LRCH4: variants seen among roughly 807,000 people sequenced by gnomAD.
LRCH4 encodes the protein leucine-rich repeat and calponin homology domain-containing protein 4.
A neutral mutation model predicts 81.2 loss-of-function variants in LRCH4; 56 were observed. The observed-to-expected ratio is 0.69, with a 90% CI of 0.56 to 0.86. The LOEUF (loss-of-function observed/expected upper bound fraction) is 0.86, where lower values mean the gene tolerates loss of function less well. LRCH4 is among the 40% of genes least tolerant of loss of function. The pLI, the probability that LRCH4 is intolerant of heterozygous loss-of-function variation, is 0.00. For missense variants in LRCH4, 895 were observed against 922.8 expected, an observed-to-expected ratio of 0.97 and a Z score of 0.39; for synonymous variants, 442 against 409.7, an observed-to-expected ratio of 1.08 and a Z score of -0.95.
At position 100,578,897 on chromosome 7, in the gene LRCH4, C is replaced by CACCCAGGGGAGAGGCTG; in HGVS notation, c.599-112_599-111insCAGCCTCTCCCCTGGGT. 1 of 1,211,656 alleles carries CACCCAGGGGAGAGGCTG rather than the reference C, an allele frequency of 8.3e-7. No individual in the cohort carries two copies. The highest frequency in any genetic ancestry group is 1.2e-6 in the Non-Finnish European group (1 of 861,880). The allele number at this position is 1,211,656 out of a possible 1,614,324, so 75.1% of individuals were successfully genotyped here. On this transcript the variant is annotated intron_variant, in intron 4 of 17. Transcript: ENST00000310300. The surrounding 1 kb of genome is among the most constrained non-coding windows in gnomAD (Gnocchi z 5.7). Reference sequence around the variant, plus strand: ...CCAGTCACCCTGGGCCCAGCACAGCCTCTCCCCTGGGTGGCTCAAGTCATT... The same window carrying CACCCAGGGGAGAGGCTG: ...CCAGTCACCCTGGGCCCAGCACAGCCACCCAGGGGAGAGGCTGTCTCCCCTGGGTGGCTCAAGTCATT...
In LRCH4 at chr7:100,577,261, C is replaced by T; in HGVS notation, c.1295+12G>A. The T allele has an allele frequency of 6.2e-7, 1 of 1,603,002 alleles. No individual in the cohort carries two copies. The highest frequency in any genetic ancestry group is 8.5e-7 in the Non-Finnish European group (1 of 1,178,988). ...GTGTCCAGCAACAGCCCCGGGCGGC[C>T]CTGGGTCCCACCTATCCTTCCTCGG... On this transcript the variant is annotated intron_variant, in intron 11 of 17. Transcript: ENST00000310300. The surrounding 1 kb of genome is among the most constrained non-coding windows in gnomAD (Gnocchi z 6.7).
At position 100,583,417 on chromosome 7, in the gene LRCH4, TTC is replaced by T. The variant is rs1212882006; in HGVS notation, c.221-960_221-959del. 6.6e-6 allele frequency among the ~76,000 whole-genome samples: 1 copy of T among 152,108 alleles called. No homozygotes were observed. Among genetic ancestry groups the T allele is most frequent in the Non-Finnish European group, 1.5e-5 (1 of 68,004 alleles). On this transcript the variant is annotated intron_variant, in intron 1 of 17. Transcript: ENST00000310300. This position sits in a 1 kb window ranked among gnomAD's most constrained non-coding sequence, Gnocchi z 4.3. Reference sequence around the variant, plus strand: ...GGCTTAGACCTGGAGAAGCCTGCCTTTCTGTTTCCTCGGCCCAGCCTGTCCTG... The same window carrying T: ...GGCTTAGACCTGGAGAAGCCTGCCTTTGTTTCCTCGGCCCAGCCTGTCCTG...
chr7:100,581,655 CTG>C, intron 4 of LRCH4, 120 bp downstream of exon 4: 1 of 794,504 alleles, frequency 1.3e-6, no homozygotes, highest in Non-Finnish European at 2.1e-6. Flanking sequence ...GCTTCCAGAA[CTG>C]TGAAAAATGA....
rs529563126 is a variant in LRCH4 at position 100,583,909 on chromosome 7, G to C, written c.221-1450C>G. Reference sequence around the variant, plus strand: ...GGTGGCGGGGACAAAAGCTAGGAGCGGAAGGGAGCTCAGGCAGGAGGCAGG... The same window carrying C: ...GGTGGCGGGGACAAAAGCTAGGAGCCGAAGGGAGCTCAGGCAGGAGGCAGG... On this transcript the variant is annotated intron_variant, in intron 1 of 17. Coordinates refer to ENST00000310300, the MANE Select transcript of LRCH4 (RefSeq NM_002319.5). This position sits in a 1 kb window ranked among gnomAD's most constrained non-coding sequence, Gnocchi z 4.3. The C allele has an allele frequency of 4.3e-4, 127 of 298,716 alleles. No homozygotes were observed. The highest frequency in any genetic ancestry group is 2.6e-3 in the African/African-American group (120 of 45,724). The allele number at this position is 298,716 out of a possible 1,614,324, so 18.5% of individuals were successfully genotyped here.
chr7:100,576,872 C>T (rs1232716081), intron 13 of LRCH4, 30 bp downstream of exon 13: 6 of 1,539,122 alleles, frequency 3.9e-6, no homozygotes, highest in Admixed American at 2.0e-5. Flanking sequence ...CAACACAGGC[C>T]CCATCCTCCT....
At position 100,575,572 on chromosome 7, in the gene LRCH4, T is replaced by TGCTGG. The variant is rs1401201302; in HGVS notation, c.1854+128_1854+132dup. 5 of 1,129,476 alleles carry TGCTGG rather than the reference T, an allele frequency of 4.4e-6. No homozygotes were observed. The Admixed American group carries it at 8.4e-5, about 19-fold the overall frequency. 70.0% of individuals were successfully genotyped at this position (1,129,476 alleles called of 1,614,324 possible). On this transcript the variant is annotated intron_variant, in intron 17 of 17. Transcript: ENST00000310300. The surrounding 1 kb of genome is among the most constrained non-coding windows in gnomAD (Gnocchi z 5.3). ...CAGGGGGCATGCAGGGCAGGGGGCA[T>TGCTGG]GCTGGGCAGGGCAGGGGCAGCCTGT...
chr7:100,574,198 T>C lies in LRCH4; in HGVS notation c.*909A>G. On this transcript the variant is annotated 3_prime_UTR_variant, in exon 18 of 18. Coordinates refer to ENST00000310300, the MANE Select transcript of LRCH4 (RefSeq NM_002319.5). ...TCTGAGAGCGCGGAGCCCAGGCGCG[T>C]CTTCTGCTCCCGGGGTCCCGGGCGG... is the stretch of plus-strand genomic sequence containing the variant. 5.9e-6 allele frequency: 1 copy of C among 169,674 alleles called. No homozygotes were observed. The highest frequency in any genetic ancestry group is 1.3e-5 in the Non-Finnish European group (1 of 75,600). 10.5% of individuals were successfully genotyped at this position (169,674 alleles called of 1,614,324 possible).
rs1332753694 is a variant in LRCH4 at position 100,584,217 on chromosome 7, GTT to G, written c.220+1662_220+1663del. 6.6e-6 allele frequency: 3 copies of G among 456,612 alleles called. No homozygotes were observed. In the Admixed American group the frequency reaches 7.0e-5, roughly 11 times the overall value. 28.3% of individuals were successfully genotyped at this position (456,612 alleles called of 1,614,324 possible). A position where few individuals can be genotyped will look rare whatever the true frequency, so the allele number is the denominator to read the frequency against. On this transcript the variant is annotated intron_variant, in intron 1 of 17. Transcript: ENST00000310300. The stretch of plus-strand genomic sequence containing the variant: ...GAGGGCAGGGTATGGGCAACTGTAT[GTT>G]TTTGTCACTTCCCCTTTCTGTCCCT...
At chr7:100,576,072 G>T in intron 15 of LRCH4, 64 bp from the exon 16 acceptor site, 1 of 1,546,744 alleles carries the variant, frequency 6.5e-7, no homozygotes, top group Non-Finnish European at 8.7e-7. Context: ...GGCAGGGAGA[G>T]TGGGGGGCTC....
chr7:100,584,506 G>A (rs1015690584), intron 1 of LRCH4, among the ~76,000 whole-genome samples: 2 of 151,902 alleles, frequency 1.3e-5, no homozygotes, highest in African/African-American at 2.4e-5. Flanking sequence ...GACAGCCTAA[G>A]GAAGTAAAGA....
Position 100,575,285 on chromosome 7 carries a change from G to C in LRCH4, c.1874C>G (p.Ser625Trp). The C allele has an allele frequency of 6.4e-7, 1 of 1,558,490 alleles. No individual in the cohort carries two copies. The highest frequency in any genetic ancestry group is 8.7e-7 in the Non-Finnish European group (1 of 1,149,366). The change falls in exon 18 of 18, where the codon TCG (serine) becomes TGG (tryptophan). Residue 625 changes from serine (S) to tryptophan (W), a missense_variant. By Grantham distance (177) the Ser-to-Trp change is radical. Coordinates refer to ENST00000310300, the MANE Select transcript of LRCH4 (RefSeq NM_002319.5). This position sits in a 1 kb window ranked among gnomAD's most constrained non-coding sequence, Gnocchi z 5.3. ...CCGGGCAGTGCCCTGGAGGAGATCC[G>C]AGGGCGAGCACAGGTCAGCCTGGGG... is the stretch of plus-strand genomic sequence containing the variant. ...GVPEADLCSP[S>W]DLLQGTARGL... is the part of the protein sequence containing the mutation.
rs561996221 is a variant in LRCH4 at position 100,583,884 on chromosome 7, G to A, written c.221-1425C>T. The A allele has an allele frequency of 4.4e-5, 13 of 296,468 alleles. No homozygotes were observed. The highest frequency in any genetic ancestry group is 2.7e-4 in the East Asian group (3 of 11,214). The allele number at this position is 296,468 out of a possible 1,614,324, so 18.4% of individuals were successfully genotyped here. A position where few individuals can be genotyped will look rare whatever the true frequency, so the allele number is the denominator to read the frequency against. On this transcript the variant is annotated intron_variant, in intron 1 of 17. Coordinates refer to ENST00000310300, the MANE Select transcript of LRCH4 (RefSeq NM_002319.5). The surrounding 1 kb of genome is among the most constrained non-coding windows in gnomAD (Gnocchi z 4.3). ...TTCTCAGAGTTCTGATGGGGTAGGCGGTGGCGGGGACAAAAGCTAGGAGCG... is the reference window on the plus strand; with the variant it reads ...TTCTCAGAGTTCTGATGGGGTAGGCAGTGGCGGGGACAAAAGCTAGGAGCG...
intron 14 of LRCH4, 101 bp from the exon 15 acceptor site, chr7:100,576,424 T>C (rs1801361953): frequency 1.2e-6 from 1 of 809,544 alleles, no homozygotes; most frequent in Non-Finnish European, 2.0e-6. Context: ...CCTCTCTGCT[T>C]GTGGGATTTT....
Position 100,582,346 on chromosome 7 carries a change from T to C in LRCH4, c.334A>G (p.Asn112Asp), listed in dbSNP as rs1801585860. ...TTGAGGTAGGTGAGGGCTGTGAGAT[T>C]CCCCAAGGCTGGGTTCAGGCATCTC... ...CLRCLNPALG[N>D]LTALTYLNLS... is the part of the protein sequence containing the mutation. The change falls in exon 2 of 18, where the codon AAT becomes GAT. Residue 112 changes from asparagine to aspartate, a missense_variant. Asn to Asp is a conservative substitution (Grantham distance 23). Coordinates refer to ENST00000310300, the MANE Select transcript of LRCH4 (RefSeq NM_002319.5). The surrounding 1 kb of genome is among the most constrained non-coding windows in gnomAD (Gnocchi z 5.0). 1.2e-6 allele frequency: 2 copies of C among 1,614,030 alleles called. No homozygotes were observed. Among genetic ancestry groups the C allele is most frequent in the Non-Finnish European group, 1.7e-6 (2 of 1,179,988 alleles).
rs1333533233 is a variant in LRCH4, at chr7:100,577,429, G to C, written c.1179-40C>G. ...CAGGGCAAGAGGGGCAGACCCCGGG[G>C]TCAGGGAAGGAGGCGGTTGGGGGGT... On this transcript the variant is annotated intron_variant, in intron 10 of 17. Transcript: ENST00000310300. The surrounding 1 kb of genome is among the most constrained non-coding windows in gnomAD (Gnocchi z 6.7). 2 of 1,600,832 alleles carry C rather than the reference G, an allele frequency of 1.2e-6. No individual in the cohort carries two copies. Among genetic ancestry groups the C allele is most frequent in the African/African-American group, 1.3e-5 (1 of 74,936 alleles).
chr7:100,585,898 G>A lies in LRCH4; in HGVS notation c.203C>T (p.Ser68Leu). 6.2e-7 allele frequency: 1 copy of A among 1,609,360 alleles called. No homozygotes were observed. The highest frequency in any genetic ancestry group is 8.5e-7 in the Non-Finnish European group (1 of 1,177,458). The stretch of plus-strand genomic sequence containing the variant: ...GCACTCACCAGCCTGGGTGATGTCT[G>A]ACAGGTCGTAGCTACGGGCCGCGCC... ...PRGAARSYDLSDITQADLSRN... is the reference protein window; with the variant it reads ...PRGAARSYDLLDITQADLSRN... Residue 68 changes from serine (S) to leucine (L), a missense_variant, in exon 1 of 18, where the codon TCA (serine) becomes TTA (leucine). Around this residue, in one of 3 missense-constraint regions of LRCH4, gnomAD observed 360 missense variants for 397.0 expected, o/e 0.91. Coordinates refer to ENST00000310300, the MANE Select transcript of LRCH4 (RefSeq NM_002319.5).
At position 100,576,989 on chromosome 7, in the gene LRCH4, T is replaced by C; in HGVS notation, c.1381A>G (p.Ser461Gly). The change falls in exon 13 of 18, where the codon AGT (serine) becomes GGT (glycine). Residue 461 changes from serine to glycine, a missense_variant. Coordinates refer to ENST00000310300, the MANE Select transcript of LRCH4 (RefSeq NM_002319.5). ...GCTGCAGCCCCTGCTTGGGAGGCAC[T>C]GGACTTAGGCGAGCCGCTGAGGAGA... Reference protein sequence around the residue: ...QAMHNGSPKSSASQAGAAAGQ... With the variant: ...QAMHNGSPKSGASQAGAAAGQ... 2 of 1,608,702 alleles carry C rather than the reference T, an allele frequency of 1.2e-6. No individual in the cohort carries two copies. Among genetic ancestry groups the C allele is most frequent in the Non-Finnish European group, 8.5e-7 (1 of 1,176,050 alleles).
rs369819112 is a variant in LRCH4, at chr7:100,578,305, C to T, written c.849-47G>A. On this transcript the variant is annotated intron_variant, in intron 6 of 17. Coordinates refer to ENST00000310300, the MANE Select transcript of LRCH4 (RefSeq NM_002319.5). This position sits in a 1 kb window ranked among gnomAD's most constrained non-coding sequence, Gnocchi z 5.7. The stretch of plus-strand genomic sequence containing the variant: ...TGGTCAGCCTGATGCTGGACAACAG[C>T]CCCCCATCCTCCTGCCAGAAAGCAG... The T allele has an allele frequency of 5.6e-6, 9 of 1,598,910 alleles. No individual in the cohort carries two copies. Among genetic ancestry groups the T allele is most frequent in the Non-Finnish European group, 7.7e-6 (9 of 1,166,448 alleles).
rs1017040210 is a variant in LRCH4 at position 100,582,636 on chromosome 7, C to T, written c.221-177G>A. Among the ~76,000 whole-genome samples the T allele has an allele frequency of 5.3e-5, 8 of 152,318 alleles. No homozygotes were observed. Among genetic ancestry groups the T allele is most frequent in the Middle Eastern group, 3.4e-3 (1 of 294 alleles). On this transcript the variant is annotated intron_variant, in intron 1 of 17. Transcript: ENST00000310300. This position sits in a 1 kb window ranked among gnomAD's most constrained non-coding sequence, Gnocchi z 5.0. ...TCTGCCAACGGGAGCACATTCCAGG[C>T]GTGACCAGAATGGCACAGGGAAGGC...
Sources: allele counts gnomAD v4.1 joint callset (sites outside exome capture counted in the v4.1 genomes callset), GRCh38; gene constraint gnomAD v4.1.1; regional missense constraint gnomAD v4.1.1; non-coding constraint Gnocchi (gnomAD v3.1); transcripts MANE v1.5; gene names NCBI Gene and HGNC (gene_info 2026-07-23, HGNC 2026-07-21).